Variants in DCAF1 observed in about 807,000 individuals in gnomAD.
DCAF1 encodes the protein DDB1- and CUL4-associated factor 1.
In DCAF1, 15 loss-of-function variants were observed where a neutral mutation model predicts 128.0. The ratio of observed to expected loss-of-function variants is 0.12; its 90% CI spans 0.08 to 0.18. The LOEUF (loss-of-function observed/expected upper bound fraction) is 0.18, where lower values mean the gene tolerates loss of function less well. Among genes scored for constraint, DCAF1 ranks in the 10% least tolerant of loss-of-function variants. The pLI, the probability that DCAF1 is intolerant of heterozygous loss-of-function variation, is 1.00. For synonymous variants in DCAF1, 610 were observed against 603.0 expected (o/e 1.01, Z -0.17); for missense variants, 988 against 1,649.5 (o/e 0.60, Z 6.95).
intron 10 of DCAF1, among the ~76,000 whole-genome samples, chr3:51,430,826 AAAT>A (rs1243429497): frequency 6.6e-6 from 1 of 152,242 alleles, no homozygotes; most frequent in African/African-American, 2.4e-5. Flanking sequence ...AAGCAAAGAT[AAAT>A]AATGTCATAG....
rs1553623935 is a variant in DCAF1 at position 51,398,683 on chromosome 3, T to C, written c.*86A>G. 6.6e-7 allele frequency: 1 copy of C among 1,517,936 alleles called. No individual in the cohort carries two copies. Among genetic ancestry groups the C allele is most frequent in the Middle Eastern group, 1.7e-4 (1 of 5,952 alleles). The allele number at this position is 1,517,936 out of a possible 1,614,324, so 94.0% of individuals were successfully genotyped here. Reference sequence around the variant, plus strand: ...CAGCTCCTTAAAAGACAGACAGCCCTGGGAGAAAGAGAAGGGAATATGTTC... The same window carrying C: ...CAGCTCCTTAAAAGACAGACAGCCCCGGGAGAAAGAGAAGGGAATATGTTC... On this transcript the variant is annotated 3_prime_UTR_variant, in exon 25 of 25. Transcript: ENST00000684031.
chr3:51,439,496 C>G (rs1472497582), intron 9 of DCAF1, among the ~76,000 whole-genome samples: 7 of 139,026 alleles, frequency 5.0e-5, no homozygotes, highest in African/African-American at 1.9e-4. Context: ...GGCTGGAGTA[C>G]AATGGCACGA....
At chr3:51,498,928 G>C (rs538733126) in intron 1 of DCAF1, among the ~76,000 whole-genome samples, 120 of 152,238 alleles carry the variant, frequency 7.9e-4, no homozygotes, top group Non-Finnish European at 1.4e-3. Context: ...GATGCATTTT[G>C]AACAGGAAGA....
chr3:51,438,403 A>G (rs1701053764), intron 9 of DCAF1, among the ~76,000 whole-genome samples: 1 of 152,224 alleles, frequency 6.6e-6, no homozygotes, highest in African/African-American at 2.4e-5. Flanking sequence ...TAGGTATCTC[A>G]CAAAACTAAA....
At position 51,421,002 on chromosome 3, in the gene DCAF1, T is replaced by C. The variant is rs1553632372; in HGVS notation, c.1973-5A>G. 3 of 1,597,490 alleles carry C rather than the reference T, an allele frequency of 1.9e-6. No individual in the cohort carries two copies. Among genetic ancestry groups the C allele is most frequent in the Non-Finnish European group, 2.6e-6 (3 of 1,171,682 alleles). ...CTCCCAAAATAATGCTGATACCTAA[T>C]GGGAAAAAAAATTATGTATTATTCA... On this transcript the variant is annotated splice_polypyrimidine_tract_variant and splice_region_variant and intron_variant, in intron 14 of 24. Coordinates refer to ENST00000684031, the MANE Select transcript of DCAF1 (RefSeq NM_001387579.1).
intron 9 of DCAF1, among the ~76,000 whole-genome samples, chr3:51,436,107 C>A (rs1700804971): frequency 6.6e-6 from 1 of 152,228 alleles, no homozygotes; most frequent in African/African-American, 2.4e-5. Context: ...ACCTTAGTAA[C>A]TTGACTATAC....
intron 18 of DCAF1, among the ~76,000 whole-genome samples, chr3:51,415,518 C>T (rs983458512): frequency 7.2e-5 from 11 of 152,132 alleles, no homozygotes; most frequent in African/African-American, 2.7e-4. Context: ...TAAATAAATA[C>T]TGTCAATATG....
chr3:51,430,366 G>C (rs1456182737), intron 10 of DCAF1, among the ~76,000 whole-genome samples, 154 bp from the exon 11 acceptor site: 1 of 152,084 alleles, frequency 6.6e-6, no homozygotes, highest in African/African-American at 2.4e-5. Flanking sequence ...ATAATACAAA[G>C]GCAATTTTAG....
intron 14 of DCAF1, 150 bp from the exon 15 acceptor site, chr3:51,421,147 CAG>C (rs1699355533): frequency 1.1e-6 from 1 of 881,966 alleles, no homozygotes; most frequent in African/African-American, 1.7e-5. Context: ...GTATAAAGTG[CAG>C]ACAGTTCTAC....
intron 11 of DCAF1, among the ~76,000 whole-genome samples, chr3:51,429,696 C>T (rs1553635064): frequency 1.3e-5 from 2 of 151,904 alleles, no homozygotes; most frequent in Non-Finnish European, 2.9e-5. Context: ...GAAAGCAAAA[C>T]ATTAAACTCA....
intron 10 of DCAF1, among the ~76,000 whole-genome samples, chr3:51,431,706 C>A (rs1256779881): frequency 6.6e-6 from 1 of 151,794 alleles, no homozygotes. Flanking sequence ...AATCTCAGCA[C>A]TTTGGGAAGC....
At chr3:51,502,819 C>T (rs968676370), upstream of DCAF1, among the ~76,000 whole-genome samples, 17 of 152,120 alleles carry the variant, frequency 1.1e-4, no homozygotes, top group African/African-American at 4.1e-4. Context: ...CAGACACCTT[C>T]AAACACCTCC....
chr3:51,417,675 G>A (rs1029220873), intron 17 of DCAF1, among the ~76,000 whole-genome samples: 7 of 151,634 alleles, frequency 4.6e-5, no homozygotes, highest in African/African-American at 4.9e-5. Flanking sequence ...GGCTGAGATC[G>A]CGCCACTGCA....
At chr3:51,475,788 G>A (rs948389642) in intron 3 of DCAF1, among the ~76,000 whole-genome samples, 19 of 152,176 alleles carry the variant, frequency 1.2e-4, no homozygotes, top group African/African-American at 4.6e-4. Context: ...GTGAACCCAG[G>A]AGGCGGAGCT....
intron 2 of DCAF1, among the ~76,000 whole-genome samples, chr3:51,492,372 G>C (rs1437993938): frequency 2.0e-5 from 3 of 151,842 alleles, no homozygotes; most frequent in Admixed American, 1.3e-4. Context: ...AAAAGAGCTG[G>C]GCATGGTGGC....
At chr3:51,429,970 A>G (rs1700230487) in intron 11 of DCAF1, 63 bp downstream of exon 11, 7 of 754,848 alleles carry the variant, frequency 9.3e-6, no homozygotes, top group Non-Finnish European at 1.5e-5. Flanking sequence ...GTGTGCCGTT[A>G]AAGGGCAGCC....
intron 22 of DCAF1, 141 bp from the exon 23 acceptor site, chr3:51,412,621 A>C (rs1411714331): frequency 2.4e-5 from 34 of 1,388,636 alleles, no homozygotes; most frequent in Non-Finnish European, 3.2e-5. Flanking sequence ...GCTGACTATG[A>C]AAATGTTATA....
chr3:51,429,200 G>A (rs1700163588), intron 12 of DCAF1, 61 bp downstream of exon 12: 1 of 713,144 alleles, frequency 1.4e-6, no homozygotes. Flanking sequence ...GTGAGTTTCA[G>A]GACTGAGATG....
intron 3 of DCAF1, among the ~76,000 whole-genome samples, chr3:51,482,412 C>G (rs965565989): frequency 6.6e-6 from 1 of 150,626 alleles, no homozygotes; most frequent in Non-Finnish European, 1.5e-5. Context: ...GCCACTACAG[C>G]CTGGTGACAG....
Sources: gnomAD v4.1 joint callset for allele counts (sites outside exome capture counted in the v4.1 genomes callset) on GRCh38, gnomAD v4.1.1 for gene constraint, MANE v1.5 for transcripts, NCBI Gene and HGNC (gene_info 2026-07-23, HGNC 2026-07-21) for gene names.